Variants in SH3KBP1 observed in about 807,000 individuals in gnomAD.
The protein encoded by SH3KBP1 is SH3 domain-containing kinase-binding protein 1.
SH3KBP1 carries 8 observed loss-of-function variants against 50.1 expected under a neutral mutation model. That is an observed-to-expected ratio of 0.16 (90% CI 0.09 to 0.29). SH3KBP1 has a LOEUF of 0.29. SH3KBP1 is among the 10% of genes least tolerant of loss of function. SH3KBP1 has a pLI of 1.00. For missense variants in SH3KBP1, 377 were observed against 535.2 expected (o/e 0.70, Z 2.92); for synonymous variants, 227 against 218.6 (o/e 1.04, Z -0.34).
intron 12 of SH3KBP1, among the ~76,000 whole-genome samples, chrX:19,575,136 C>T (rs774226744): frequency 8.9e-6 from 1 of 112,729 alleles, no homozygotes; most frequent in East Asian, 2.8e-4. Context: ...TTTGTCTTTG[C>T]AACTGTTAAA....
At chrX:19,646,839 G>A (rs1332581240) in intron 6 of SH3KBP1, among the ~76,000 whole-genome samples, 1 of 111,351 alleles carries the variant, frequency 9.0e-6, no homozygotes, top group Non-Finnish European at 1.9e-5. Context: ...ATTTAGTGCC[G>A]CAGGGCCTTC....
intron 3 of SH3KBP1, among the ~76,000 whole-genome samples, chrX:19,719,477 A>G (rs897262118): frequency 8.9e-6 from 1 of 111,890 alleles, no homozygotes; most frequent in African/African-American, 3.3e-5. Flanking sequence ...CCATTGAATA[A>G]ACTGAGTTTC....
At chrX:19,856,949 G>GTGTTTTTT (rs1275149618) in intron 1 of SH3KBP1, among the ~76,000 whole-genome samples, 1 of 37,966 alleles carries the variant, frequency 2.6e-5, no homozygotes, top group Non-Finnish European at 4.7e-5. Context: ...GCTAATACTA[G>GTGTTTTTT]TCTTTTTTTT....
chrX:19,736,006 G>C (rs932467033), intron 3 of SH3KBP1, among the ~76,000 whole-genome samples: 2 of 111,658 alleles, frequency 1.8e-5, no homozygotes, highest in South Asian at 7.5e-4. Context: ...TTATAGGCGT[G>C]AGCCACCGCA....
At chrX:19,704,799 G>A (rs2063615362) in intron 4 of SH3KBP1, among the ~76,000 whole-genome samples, 1 of 112,137 alleles carries the variant, frequency 8.9e-6, no homozygotes, top group Admixed American at 9.4e-5. Flanking sequence ...AAACCTCTGT[G>A]TTTACCATCT....
intron 2 of SH3KBP1, among the ~76,000 whole-genome samples, chrX:19,821,131 C>T (rs1336224210): frequency 8.9e-6 from 1 of 112,283 alleles, no homozygotes; most frequent in Non-Finnish European, 1.9e-5. Flanking sequence ...TGGCTCACAC[C>T]TGTAATCCCA....
chrX:19,561,565 G>A (rs757532972), intron 13 of SH3KBP1, among the ~76,000 whole-genome samples: 2 of 111,597 alleles, frequency 1.8e-5, no homozygotes, highest in African/African-American at 3.3e-5. Context: ...TCTCTTTCCC[G>A]CCACCTTCCA....
At chrX:19,696,514 G>A (rs1035613227) in intron 4 of SH3KBP1, among the ~76,000 whole-genome samples, 4 of 111,514 alleles carry the variant, frequency 3.6e-5, no homozygotes, top group Non-Finnish European at 5.6e-5. Context: ...GAAGGGCAGC[G>A]AGACTATGAT....
chrX:19,643,300 A>ATTTTTTTTTTTTTTTTTTTTTTTTTTTTT (rs201544483), intron 7 of SH3KBP1, among the ~76,000 whole-genome samples: 1 of 86,908 alleles, frequency 1.2e-5, no homozygotes, highest in Non-Finnish European at 2.1e-5. Context: ...AAACTGAAGA[A>ATTTTTTTTTTTTTTTTTTTTTTTTTTTTT]TTTTTTATTT....
At chrX:19,602,507 C>A (rs763151908) in intron 9 of SH3KBP1, among the ~76,000 whole-genome samples, 1 of 112,218 alleles carries the variant, frequency 8.9e-6, no homozygotes, top group Non-Finnish European at 1.9e-5. Flanking sequence ...CCTTGACAAA[C>A]CCCATTTCTT....
chrX:19,682,705 G>T (rs1423091466), intron 6 of SH3KBP1, among the ~76,000 whole-genome samples: 2 of 110,329 alleles, frequency 1.8e-5, no homozygotes, highest in Non-Finnish European at 3.8e-5. Flanking sequence ...AAATGAAACG[G>T]TTTTTAATTT....
intron 2 of SH3KBP1, among the ~76,000 whole-genome samples, chrX:19,759,492 G>T (rs1397353096): frequency 1.8e-5 from 2 of 112,184 alleles, no homozygotes; most frequent in East Asian, 5.5e-4. Flanking sequence ...GTTGTTGAAA[G>T]AATGTTTATA....
chrX:19,692,204 C>T (rs1480994239), intron 5 of SH3KBP1, among the ~76,000 whole-genome samples: 1 of 111,324 alleles, frequency 9.0e-6, no homozygotes, highest in Non-Finnish European at 1.9e-5. Context: ...ACAATCGTTG[C>T]AATTCTTTCC....
intron 2 of SH3KBP1, among the ~76,000 whole-genome samples, chrX:19,764,036 G>C: frequency 1.2e-5 from 1 of 85,537 alleles, no homozygotes; most frequent in Non-Finnish European, 2.3e-5. Flanking sequence ...AAAAAAAAAA[G>C]TACAAAATAC....
intron 13 of SH3KBP1, among the ~76,000 whole-genome samples, chrX:19,551,260 G>C (rs1407250670): frequency 9.0e-6 from 1 of 111,556 alleles, no homozygotes; most frequent in Non-Finnish European, 1.9e-5. Context: ...TATAACGAAA[G>C]GTTAACCATC....
intron 2 of SH3KBP1, among the ~76,000 whole-genome samples, chrX:19,757,909 ATT>A (rs2065259019): frequency 9.0e-6 from 1 of 111,713 alleles, no homozygotes; most frequent in Non-Finnish European, 1.9e-5. Context: ...TACACAAAAG[ATT>A]TACAGAAAGC....
intron 2 of SH3KBP1, among the ~76,000 whole-genome samples, chrX:19,760,263 T>G (rs958288328): frequency 9.1e-6 from 1 of 109,360 alleles, no homozygotes. Context: ...GGCAGGCGCC[T>G]GTAGTTCCAG....
At chrX:19,631,333 T>C (rs919678040) in intron 8 of SH3KBP1, among the ~76,000 whole-genome samples, 2 of 112,772 alleles carry the variant, frequency 1.8e-5, no homozygotes. Context: ...ACACAGATTT[T>C]ATAGCTCTCT....
At chrX:19,737,285 G>T (rs1283994483) in intron 3 of SH3KBP1, among the ~76,000 whole-genome samples, 2 of 111,159 alleles carry the variant, frequency 1.8e-5, no homozygotes, top group Non-Finnish European at 3.8e-5. Flanking sequence ...CCCACGTGGG[G>T]CTTAGCCAAG....
Sources: allele counts gnomAD v4.1 joint callset (sites outside exome capture counted in the v4.1 genomes callset), GRCh38; gene constraint gnomAD v4.1.1; transcripts MANE v1.5; gene names NCBI Gene and HGNC (gene_info 2026-07-23, HGNC 2026-07-21).